Variants in OR11G2 observed in about 807,000 individuals in gnomAD.
OR11G2 encodes olfactory receptor family 11 subfamily G member 2.
A neutral mutation model predicts 0.9 loss-of-function variants in OR11G2; 2 were observed. The observed-to-expected ratio is 2.35, with a 90% confidence interval of 0.96 to 7.38. OR11G2 has a LOEUF of 7.38. Among genes scored for constraint, OR11G2 ranks in the 30% most tolerant of loss-of-function variants. The probability of loss-of-function intolerance (pLI) is 0.05; values close to 1 mark genes in which losing one functional copy is unlikely to be tolerated. For synonymous variants in OR11G2, 153 were observed against 142.0 expected (o/e 1.08, Z -0.55); for missense variants, 395 against 371.3 (o/e 1.06, Z -0.52).
chr14:20,194,375 T>G (rs74033842), intron 1 of OR11G2, among the ~76,000 whole-genome samples: 7,503 of 152,112 alleles, frequency 0.049, 410 homozygotes, highest in East Asian at 0.27. Flanking sequence ...TGGGGAGAAG[T>G]GAGCAGACAT....
intron 1 of OR11G2, among the ~76,000 whole-genome samples, chr14:20,191,891 ATTTT>A (rs34333327): frequency 2.1e-3 from 247 of 117,000 alleles, no homozygotes; most frequent in Middle Eastern, 9.6e-3. Context: ...CCCAACTGGC[ATTTT>A]TTTTTTTTTT....
chr14:20,197,206 C>G, intron 1 of OR11G2: 1 of 613,136 alleles, frequency 1.6e-6, no homozygotes, highest in Non-Finnish European at 2.8e-6. Context: ...TTTCTTGAGC[C>G]TATGGTAAAA....
chr14:20,196,930 T>C (rs1210398661), intron 1 of OR11G2, among the ~76,000 whole-genome samples: 1 of 152,214 alleles, frequency 6.6e-6, no homozygotes, highest in African/African-American at 2.4e-5. Context: ...GTGTCAAAAG[T>C]GACATAAAAG....
rs1412031110 is a variant in OR11G2 at position 20,200,612 on chromosome 14, A to G, written c.*2239A>G. ...AGGGTGACAAGGCAACCTCTATCAA[A>G]ATTTAGAAGACACATATCCTTTAAA... On this transcript the variant is annotated 3_prime_UTR_variant, in exon 2 of 2. Transcript: ENST00000641879. The G allele has an allele frequency of 6.6e-6, 1 of 152,194 alleles. No homozygotes were observed. The highest frequency in any genetic ancestry group is 1.5e-5 in the Non-Finnish European group (1 of 68,042). 9.4% of individuals were successfully genotyped at this position (152,194 alleles called of 1,614,324 possible).
chr14:20,195,463 C>G (rs1369586785), intron 1 of OR11G2, among the ~76,000 whole-genome samples: 1 of 152,140 alleles, frequency 6.6e-6, no homozygotes, highest in African/African-American at 2.4e-5. Context: ...TTGCTTGAAC[C>G]CAGGAGGCGG....
Position 20,199,399 on chromosome 14 carries a change from C to A in OR11G2, c.*1026C>A, listed in dbSNP as rs1016686804. ...CTACCTTCTCAGTTCAGTAAAACTA[C>A]TGCTTTCTGCTCAGTCCTTATTCCT... On this transcript the variant is annotated 3_prime_UTR_variant, in exon 2 of 2. Transcript: ENST00000641879. The A allele has an allele frequency of 4.6e-5, 7 of 152,356 alleles. No homozygotes were observed. Among genetic ancestry groups the A allele is most frequent in the Admixed American group, 4.6e-4 (7 of 15,302 alleles). 9.4% of individuals were successfully genotyped at this position (152,356 alleles called of 1,614,324 possible).
rs756257494 is a variant in OR11G2 at position 20,197,727 on chromosome 14, C to T, written c.290C>T (p.Ser97Leu). 3.7e-6 allele frequency: 6 copies of T among 1,613,766 alleles called. No homozygotes were observed. In the African/African-American group the frequency reaches 5.3e-5, roughly 14 times the overall value. Reference sequence around the variant, plus strand: ...TTCCTCTCTGACACCAAGATCATCTCGTTCTCTGGCTGCTTCCTCCAGTTC... The same window carrying T: ...TTCCTCTCTGACACCAAGATCATCTTGTTCTCTGGCTGCTTCCTCCAGTTC... ...ANFLSDTKII[S>L]FSGCFLQFYF... The change falls in exon 2 of 2, where the codon TCG becomes TTG. Residue 97 changes from serine to leucine, a missense_variant. Transcript: ENST00000641879.
At position 20,195,762 on chromosome 14, in the gene OR11G2, T is replaced by A. The variant is rs555852185; in HGVS notation, c.-4-1672T>A. ...GTAGACTCTGCAGGGGAGGAAAAAA[T>A]TTTTTTTCTCCTATCTAGGTTCTTC... On this transcript the variant is annotated intron_variant, in intron 1 of 1. Transcript: ENST00000641879. Among the ~76,000 whole-genome samples, 13 of 152,098 alleles carry A rather than the reference T, an allele frequency of 8.5e-5. No individual in the cohort carries two copies. In the South Asian group the frequency reaches 1.0e-3, roughly 12 times the overall value.
chr14:20,196,257 A>G (rs542799475), intron 1 of OR11G2, among the ~76,000 whole-genome samples: 1 of 152,292 alleles, frequency 6.6e-6, no homozygotes, highest in African/African-American at 2.4e-5. Flanking sequence ...CTTTTTCTCA[A>G]TTGCCTTCAG....
rs1187215769 is a variant in OR11G2 at position 20,191,256 on chromosome 14, A to G, written c.-415A>G. On this transcript the variant is annotated 5_prime_UTR_variant, in exon 1 of 2. Coordinates refer to ENST00000641879, the MANE Select transcript of OR11G2 (RefSeq NM_001386033.1). ...TAAATAGGTGTAATGATATGTAGTC[A>G]AAATCAAGTGAAGCAGATGGATGTG... The G allele has an allele frequency of 6.6e-6, 1 of 152,232 alleles. No individual in the cohort carries two copies. The highest frequency in any genetic ancestry group is 1.5e-5 in the Non-Finnish European group (1 of 68,042). The allele number at this position is 152,232 out of a possible 1,614,324, so 9.4% of individuals were successfully genotyped here. A position where few individuals can be genotyped will look rare whatever the true frequency, so the allele number is the denominator to read the frequency against.
At chr14:20,195,243 T>C (rs374455966) in intron 1 of OR11G2, among the ~76,000 whole-genome samples, 41 of 152,212 alleles carry the variant, frequency 2.7e-4, no homozygotes, top group African/African-American at 9.6e-4. Context: ...TATAGGGTGT[T>C]TTAAAAAATT....
intron 1 of OR11G2, among the ~76,000 whole-genome samples, chr14:20,196,931 G>A (rs987763954): frequency 6.6e-6 from 1 of 152,172 alleles, no homozygotes; most frequent in African/African-American, 2.4e-5. Flanking sequence ...TGTCAAAAGT[G>A]ACATAAAAGA....
At chr14:20,193,525 C>T (rs1309511489) in intron 1 of OR11G2, among the ~76,000 whole-genome samples, 1 of 152,182 alleles carries the variant, frequency 6.6e-6, no homozygotes, top group Non-Finnish European at 1.5e-5. Flanking sequence ...CAAACTATAT[C>T]CAATGTGCCA....
At position 20,200,025 on chromosome 14, in the gene OR11G2, T is replaced by TC. The variant is rs1020533788; in HGVS notation, c.*1656dup. 6.6e-6 allele frequency: 1 copy of TC among 152,136 alleles called. No homozygotes were observed. Among genetic ancestry groups the TC allele is most frequent in the African/African-American group, 2.4e-5 (1 of 41,432 alleles). 9.4% of individuals were successfully genotyped at this position (152,136 alleles called of 1,614,324 possible). On this transcript the variant is annotated 3_prime_UTR_variant, in exon 2 of 2. Transcript: ENST00000641879. ...GCTTGGGCTAGTTCTCCTTGAACTTTCCCCTAGGCCTGGAGTGAAAGGTCA... is the reference window on the plus strand; with the variant it reads ...GCTTGGGCTAGTTCTCCTTGAACTTTCCCCCTAGGCCTGGAGTGAAAGGTCA...
At chr14:20,194,388 G>A (rs1039875778) in intron 1 of OR11G2, among the ~76,000 whole-genome samples, 2 of 152,106 alleles carry the variant, frequency 1.3e-5, no homozygotes, top group African/African-American at 4.8e-5. Flanking sequence ...GCAGACATGA[G>A]ACTTATTTTT....
intron 1 of OR11G2, among the ~76,000 whole-genome samples, chr14:20,193,601 G>A (rs1479777131): frequency 6.6e-6 from 1 of 152,158 alleles, no homozygotes; most frequent in Non-Finnish European, 1.5e-5. Flanking sequence ...TTTTTAATAT[G>A]TTTAAAAATT....
In OR11G2 at chr14:20,197,387, T is replaced by A. The variant is rs775517678; in HGVS notation, c.-4-47T>A. Reference sequence around the variant, plus strand: ...AAATATAAATCTGATTCCCCATCTATGTTTGCACCGTCATTCAGTAATTGC... The same window carrying A: ...AAATATAAATCTGATTCCCCATCTAAGTTTGCACCGTCATTCAGTAATTGC... On this transcript the variant is annotated intron_variant, in intron 1 of 1. Coordinates refer to ENST00000641879, the MANE Select transcript of OR11G2 (RefSeq NM_001386033.1). The A allele has an allele frequency of 2.5e-6, 4 of 1,608,216 alleles. No homozygotes were observed. In the South Asian group the frequency reaches 4.4e-5, roughly 18 times the overall value.
At chr14:20,196,107 C>T (rs570235142) in intron 1 of OR11G2, among the ~76,000 whole-genome samples, 1 of 152,290 alleles carries the variant, frequency 6.6e-6, no homozygotes, top group African/African-American at 2.4e-5. Flanking sequence ...GTGCCATCTC[C>T]AGGCGGAAAG....
chr14:20,196,990 C>T (rs1449568102), intron 1 of OR11G2, among the ~76,000 whole-genome samples: 1 of 152,222 alleles, frequency 6.6e-6, no homozygotes, highest in Non-Finnish European at 1.5e-5. Flanking sequence ...TACACAGTTT[C>T]ACTCAGTCTC....
Sources: allele counts gnomAD v4.1 joint callset (sites outside exome capture counted in the v4.1 genomes callset), GRCh38; gene constraint gnomAD v4.1.1; transcripts MANE v1.5; gene names NCBI Gene and HGNC (gene_info 2026-07-23, HGNC 2026-07-21).